PTPN20: variants seen among roughly 807,000 people sequenced by gnomAD.
PTPN20 encodes the protein protein tyrosine phosphatase non-receptor type 20.
PTPN20 carries 9 observed loss-of-function variants against 35.0 expected under a neutral mutation model. The ratio of observed to expected loss-of-function variants is 0.26; its 90% CI spans 0.15 to 0.45. The LOEUF is 0.45. Among genes scored for constraint, PTPN20 ranks in the 20% least tolerant of loss-of-function variants. The pLI, the probability that PTPN20 is intolerant of heterozygous loss-of-function variation, is 1.00. For missense variants in PTPN20, 111 were observed against 312.5 expected (o/e 0.36, Z 4.86); for synonymous variants, 32 against 100.2 (o/e 0.32, Z 4.06).
At chr10:46,960,569 A>G (rs1162825595) in intron 5 of PTPN20, among the ~76,000 whole-genome samples, 2 of 151,428 alleles carry the variant, frequency 1.3e-5, no homozygotes, top group Non-Finnish European at 2.9e-5. Context: ...TACTTTTCCC[A>G]CTGCCTTTTC....
intron 5 of PTPN20, among the ~76,000 whole-genome samples, chr10:46,948,649 T>C (rs2045735915): frequency 6.6e-6 from 1 of 151,844 alleles, no homozygotes; most frequent in South Asian, 2.1e-4. Context: ...TTTGGTCTCT[T>C]CCTGTTTCGT....
At chr10:46,982,729 T>A (rs2136609632) in intron 7 of PTPN20, among the ~76,000 whole-genome samples, 1 of 151,826 alleles carries the variant, frequency 6.6e-6, no homozygotes, top group South Asian at 2.1e-4. Flanking sequence ...TTTATATGGT[T>A]TAGATACTGT....
rs1055688448 is a variant in PTPN20, at chr10:46,993,034, C to T, written c.1134+5479C>T. On this transcript the variant is annotated intron_variant, in intron 9 of 10. Transcript: ENST00000374339. ...ATTAATACTTGTGGCTAGATTCTGG[C>T]ACTGGATTTCACAGGCAGTGTATAC... is the stretch of plus-strand genomic sequence containing the variant. Among the ~76,000 whole-genome samples, 8 of 152,286 alleles carry T rather than the reference C, an allele frequency of 5.3e-5. No individual in the cohort carries two copies. The South Asian group carries it at 1.7e-3, about 32-fold the overall frequency.
At chr10:46,938,407 C>T (rs1482364317) in intron 2 of PTPN20, among the ~76,000 whole-genome samples, 2 of 55,546 alleles carry the variant, frequency 3.6e-5, no homozygotes, top group Non-Finnish European at 6.4e-5. Flanking sequence ...GGTATCTCTT[C>T]TGTGCACTAT....
intron 1 of PTPN20, among the ~76,000 whole-genome samples, chr10:46,926,794 C>T (rs1435290838): frequency 6.6e-6 from 1 of 151,652 alleles, no homozygotes; most frequent in Non-Finnish European, 1.5e-5. Flanking sequence ...ATAGGATGCA[C>T]TTAATTTTCT....
At chr10:46,939,928 G>T (rs1231870546) in intron 2 of PTPN20, among the ~76,000 whole-genome samples, 4 of 152,190 alleles carry the variant, frequency 2.6e-5, no homozygotes, top group South Asian at 4.1e-4. Flanking sequence ...TTATTGATTT[G>T]GTAATATGCC....
chr10:46,937,784 TCATTTCTAAGTA>T (rs2042142094), intron 2 of PTPN20, among the ~76,000 whole-genome samples: 11 of 152,038 alleles, frequency 7.2e-5, no homozygotes. Flanking sequence ...TTATCATCTG[TCATTTCTAAGTA>T]CATTTCTATT....
In PTPN20 at chr10:46,923,067, G is replaced by T. The variant is rs372022160; in HGVS notation, c.-123-9310G>T. 8.6e-4 allele frequency among the ~76,000 whole-genome samples: 124 copies of T among 143,948 alleles called. 3 individuals are homozygous for T. The South Asian group carries it at 0.026, about 31-fold the overall frequency. The allele number at this position is 143,948 out of a possible 152,430, so 94.4% of individuals were successfully genotyped here. On this transcript the variant is annotated intron_variant, in intron 1 of 10. Transcript: ENST00000374339. Reference sequence around the variant, plus strand: ...AGGGTCCTGGAGATGTTGAAATGGGGTGAATGTATTTTGCATACAGTAAGG... The same window carrying T: ...AGGGTCCTGGAGATGTTGAAATGGGTTGAATGTATTTTGCATACAGTAAGG...
chr10:46,960,664 G>A (rs1438416254), intron 5 of PTPN20, among the ~76,000 whole-genome samples: 1 of 151,994 alleles, frequency 6.6e-6, no homozygotes, highest in Non-Finnish European at 1.5e-5. Flanking sequence ...TGATTGCTTT[G>A]TCTCTTGGCA....
chr10:46,977,345 C>T (rs1386454885), intron 7 of PTPN20, among the ~76,000 whole-genome samples: 9 of 152,278 alleles, frequency 5.9e-5, no homozygotes, highest in African/African-American at 1.9e-4. Context: ...TATATACAGC[C>T]TATTGATTCT....
chr10:46,941,222 C>A (rs1160166358), intron 3 of PTPN20, among the ~76,000 whole-genome samples: 1 of 148,984 alleles, frequency 6.7e-6, no homozygotes. Context: ...CTTACCTAGT[C>A]AACTGGAGCT....
At chr10:46,986,473 AG>A (rs2056906837) in intron 8 of PTPN20, among the ~76,000 whole-genome samples, 1 of 146,418 alleles carries the variant, frequency 6.8e-6, no homozygotes, top group South Asian at 2.2e-4. Flanking sequence ...ACTCATTTTG[AG>A]TTCTTCCATT....
chr10:47,000,124 G>C (rs1302184482), intron 10 of PTPN20, 150 bp downstream of exon 10: 1 of 1,231,088 alleles, frequency 8.1e-7, no homozygotes, highest in African/African-American at 1.5e-5. Flanking sequence ...CTGATTCTCT[G>C]GTATTCCTGA....
chr10:46,935,983 A>G (rs2041492110), intron 2 of PTPN20, among the ~76,000 whole-genome samples: 1 of 150,442 alleles, frequency 6.6e-6, no homozygotes. Context: ...TTACTTTTTA[A>G]TAATAGCCTT....
intron 1 of PTPN20, among the ~76,000 whole-genome samples, chr10:46,925,007 G>A (rs1390757456): frequency 3.4e-5 from 5 of 148,342 alleles, no homozygotes; most frequent in South Asian, 4.4e-4. Context: ...TTGATTTAGC[G>A]TTTTACTTTT....
At chr10:46,928,751 CT>C (rs2038592643) in intron 1 of PTPN20, among the ~76,000 whole-genome samples, 1 of 136,118 alleles carries the variant, frequency 7.3e-6, no homozygotes, top group African/African-American at 2.9e-5. Flanking sequence ...TACTAGTAGT[CT>C]AAGAAGCTTG....
intron 3 of PTPN20, 125 bp downstream of exon 3, chr10:46,940,842 T>C (rs1232420955): frequency 8.7e-7 from 1 of 1,150,590 alleles, no homozygotes; most frequent in Non-Finnish European, 1.3e-6. Flanking sequence ...TTTGTCACTG[T>C]AGTGTTGACA....
At chr10:46,997,780 A>G (rs1254037487) in intron 9 of PTPN20, among the ~76,000 whole-genome samples, 2 of 152,224 alleles carry the variant, frequency 1.3e-5, no homozygotes, top group African/African-American at 4.8e-5. Flanking sequence ...CAAAGAGAAC[A>G]TACAGATGAC....
At chr10:46,937,841 A>G (rs1480884183) in intron 2 of PTPN20, among the ~76,000 whole-genome samples, 12 of 150,740 alleles carry the variant, frequency 8.0e-5, no homozygotes, top group African/African-American at 1.9e-4. Flanking sequence ...ATACTTTTCT[A>G]TTCCTTGGCA....
Sources: gnomAD v4.1 joint callset for allele counts (sites outside exome capture counted in the v4.1 genomes callset) on GRCh38, gnomAD v4.1.1 for gene constraint, MANE v1.5 for transcripts, NCBI Gene and HGNC (gene_info 2026-07-23, HGNC 2026-07-21) for gene names.